Variants in ARHGAP15 observed in about 807,000 individuals in gnomAD.
ARHGAP15 encodes the protein rho GTPase-activating protein 15.
A neutral mutation model predicts 63.7 loss-of-function variants in ARHGAP15; 51 were observed. The observed-to-expected ratio is 0.80, with a 90% confidence interval of 0.64 to 1.01. The LOEUF is 1.01. Ranked by LOEUF, ARHGAP15 falls within the 50% of genes least tolerant of loss-of-function variation. ARHGAP15 has a pLI of 0.00. For missense variants in ARHGAP15, 560 were observed against 564.6 expected (o/e 0.99, Z 0.08); for synonymous variants, 191 against 193.8 (o/e 0.99, Z 0.12).
At chr2:143,367,896 C>T (rs896029082) in intron 6 of ARHGAP15, among the ~76,000 whole-genome samples, 4 of 151,920 alleles carry the variant, frequency 2.6e-5, no homozygotes, top group African/African-American at 9.7e-5. Flanking sequence ...TAATTAGAAG[C>T]TAATTTTACA....
intron 2 of ARHGAP15, among the ~76,000 whole-genome samples, chr2:143,169,340 G>A (rs1690674331): frequency 2.0e-5 from 3 of 151,878 alleles, no homozygotes; most frequent in African/African-American, 7.2e-5. Flanking sequence ...CCCTTCATGG[G>A]GTGTTTTTAC....
rs763639253 is a variant in ARHGAP15 at position 143,329,689 on chromosome 2, A to T, written c.474+79089A>T. On this transcript the variant is annotated intron_variant, in intron 6 of 13. Transcript: ENST00000295095. ...ACACAGCCACAGACAACTAGTACGT[A>T]AAGTTATATCCAATGCACTATAAAA... 4.1e-4 allele frequency among the ~76,000 whole-genome samples: 62 copies of T among 152,150 alleles called. 1 individual carries two copies. Among genetic ancestry groups the T allele is most frequent in the Admixed American group, 3.9e-4 (6 of 15,266 alleles).
intron 6 of ARHGAP15, among the ~76,000 whole-genome samples, chr2:143,423,700 A>G (rs1178332193): frequency 2.0e-5 from 3 of 152,194 alleles, no homozygotes; most frequent in Non-Finnish European, 4.4e-5. Context: ...GAGACAATCA[A>G]TGAATCAGTC....
intron 12 of ARHGAP15, among the ~76,000 whole-genome samples, chr2:143,680,144 C>A (rs1241371990): frequency 6.6e-6 from 1 of 150,972 alleles, no homozygotes; most frequent in Non-Finnish European, 1.5e-5. Flanking sequence ...CAAGACTTTC[C>A]ATAAATTATT....
intron 6 of ARHGAP15, among the ~76,000 whole-genome samples, chr2:143,267,147 A>G (rs1681038805): frequency 6.6e-6 from 1 of 152,168 alleles, no homozygotes; most frequent in Non-Finnish European, 1.5e-5. Flanking sequence ...ACTAGTTGGC[A>G]TGGTAAAGAA....
intron 6 of ARHGAP15, among the ~76,000 whole-genome samples, chr2:143,404,699 T>C (rs1359764370): frequency 6.6e-6 from 1 of 151,936 alleles, no homozygotes; most frequent in African/African-American, 2.4e-5. Context: ...ACCAGGTGCC[T>C]GACACAAGCT....
intron 6 of ARHGAP15, among the ~76,000 whole-genome samples, chr2:143,266,616 T>C (rs1167430589): frequency 6.6e-6 from 1 of 152,324 alleles, no homozygotes; most frequent in East Asian, 1.9e-4. Context: ...ATTTCTGAGA[T>C]AATTTTCTAT....
At chr2:143,330,199 T>G (rs983187144) in intron 6 of ARHGAP15, among the ~76,000 whole-genome samples, 2 of 149,132 alleles carry the variant, frequency 1.3e-5, no homozygotes, top group African/African-American at 4.9e-5. Flanking sequence ...CTTCAATGTT[T>G]AGTGTTTATT....
intron 13 of ARHGAP15, among the ~76,000 whole-genome samples, chr2:143,704,236 G>C (rs1684224425): frequency 6.6e-6 from 1 of 152,152 alleles, no homozygotes; most frequent in African/African-American, 2.4e-5. Context: ...ACTGAAGAAT[G>C]CTACAATTGA....
At chr2:143,339,856 C>A (rs1419824785) in intron 6 of ARHGAP15, among the ~76,000 whole-genome samples, 1 of 152,148 alleles carries the variant, frequency 6.6e-6, no homozygotes, top group African/African-American at 2.4e-5. Context: ...TGAAGCTAAT[C>A]CTGTGTCTCA....
chr2:143,609,846 A>C (rs1698185573), intron 11 of ARHGAP15, among the ~76,000 whole-genome samples: 1 of 152,152 alleles, frequency 6.6e-6, no homozygotes, highest in Admixed American at 6.5e-5. Context: ...AGGACTGTGA[A>C]TGCTTAATCC....
chr2:143,473,367 A>G (rs1039078133), intron 8 of ARHGAP15, among the ~76,000 whole-genome samples: 1 of 152,128 alleles, frequency 6.6e-6, no homozygotes, highest in Non-Finnish European at 1.5e-5. Context: ...CAGAGTGCAA[A>G]CAGCTAAACT....
intron 11 of ARHGAP15, among the ~76,000 whole-genome samples, chr2:143,604,751 T>C (rs1697917997): frequency 1.3e-5 from 2 of 152,180 alleles, no homozygotes; most frequent in African/African-American, 4.8e-5. Context: ...ACAACTTTAA[T>C]TCTCAAATTC....
At chr2:143,172,397 G>A (rs1439662366) in intron 2 of ARHGAP15, among the ~76,000 whole-genome samples, 3 of 152,050 alleles carry the variant, frequency 2.0e-5, no homozygotes, top group African/African-American at 7.2e-5. Context: ...CAGAGGCCAC[G>A]AAAGGATTTT....
intron 10 of ARHGAP15, among the ~76,000 whole-genome samples, chr2:143,521,083 A>G (rs1694045565): frequency 1.3e-5 from 2 of 152,178 alleles, no homozygotes; most frequent in African/African-American, 4.8e-5. Context: ...CTAGCATTAT[A>G]TTTCATTGTC....
intron 12 of ARHGAP15, among the ~76,000 whole-genome samples, chr2:143,684,928 G>A (rs979427883): frequency 6.6e-6 from 1 of 152,086 alleles, no homozygotes; most frequent in African/African-American, 2.4e-5. Flanking sequence ...AAGCTGCAAC[G>A]GCAGAATAAT....
chr2:143,757,549 CAT>C (rs1163149002), intron 13 of ARHGAP15, among the ~76,000 whole-genome samples: 4 of 151,824 alleles, frequency 2.6e-5, no homozygotes, highest in Admixed American at 6.6e-5. Context: ...TACATACATA[CAT>C]AGAGATTATC....
intron 13 of ARHGAP15, among the ~76,000 whole-genome samples, chr2:143,762,272 C>T (rs1308286244): frequency 1.3e-5 from 2 of 152,180 alleles, no homozygotes; most frequent in African/African-American, 2.4e-5. Context: ...CACTATCATG[C>T]TAATGTCTCA....
intron 2 of ARHGAP15, among the ~76,000 whole-genome samples, chr2:143,198,098 AG>A (rs1363275813): frequency 2.6e-5 from 4 of 152,032 alleles, no homozygotes; most frequent in Non-Finnish European, 4.4e-5. Context: ...GGATTTTCAA[AG>A]TTACTTAAAC....
Sources: gnomAD v4.1 joint callset for allele counts (sites outside exome capture counted in the v4.1 genomes callset) on GRCh38, gnomAD v4.1.1 for gene constraint, MANE v1.5 for transcripts, NCBI Gene and HGNC (gene_info 2026-07-23, HGNC 2026-07-21) for gene names.